NDUFA10: variants seen among roughly 807,000 people sequenced by gnomAD.
The protein encoded by NDUFA10 is NADH:ubiquinone oxidoreductase subunit A10, also known as NADH dehydrogenase [ubiquinone] 1 alpha subcomplex subunit 10, mitochondrial.
NDUFA10 carries 40 observed loss-of-function variants against 47.8 expected under a neutral mutation model. The observed-to-expected ratio is 0.84, with a 90% CI of 0.65 to 1.09. NDUFA10 has a LOEUF of 1.09. Ranked by LOEUF, NDUFA10 falls within the 50% of genes least tolerant of loss-of-function variation. The probability of loss-of-function intolerance (pLI) is 0.00; values close to 1 mark genes in which losing one functional copy is unlikely to be tolerated. For missense variants in NDUFA10, 413 were observed against 451.1 expected (o/e 0.92, Z 0.76); for synonymous variants, 183 against 172.2 (o/e 1.06, Z -0.49).
At chr2:239,985,469 A>T (rs1324496723) in intron 9 of NDUFA10, among the ~76,000 whole-genome samples, 1 of 151,804 alleles carries the variant, frequency 6.6e-6, no homozygotes, top group African/African-American at 2.4e-5. Context: ...AGGCTGATGC[A>T]CACTCAAAAA....
At chr2:239,969,752 T>A in intron 9 of NDUFA10, 1 of 471,434 alleles carries the variant, frequency 2.1e-6, no homozygotes, top group Non-Finnish European at 4.4e-6. Flanking sequence ...GGCTTCTGAT[T>A]CTTGGAAGAC....
chr2:239,916,986 G>C (rs946182826), intron 4 of NDUFA10, among the ~76,000 whole-genome samples: 2 of 152,218 alleles, frequency 1.3e-5, no homozygotes, highest in Non-Finnish European at 2.9e-5. Flanking sequence ...ATGAAACACT[G>C]TGGACATAAC....
intron 9 of NDUFA10, among the ~76,000 whole-genome samples, chr2:239,966,129 C>T (rs1695048966): frequency 2.0e-5 from 3 of 152,226 alleles, no homozygotes; most frequent in African/African-American, 4.8e-5. Flanking sequence ...CCTGGTGGCC[C>T]ACCGGGAGTG....
intron 4 of NDUFA10, among the ~76,000 whole-genome samples, chr2:239,944,373 C>T (rs1367295642): frequency 6.6e-6 from 1 of 152,200 alleles, no homozygotes; most frequent in Non-Finnish European, 1.5e-5. Flanking sequence ...GGGCCAGCGC[C>T]GCAGGCTGAG....
chr2:239,915,800 A>C (rs892988021), intron 4 of NDUFA10, among the ~76,000 whole-genome samples: 2 of 151,936 alleles, frequency 1.3e-5, no homozygotes, highest in Admixed American at 6.6e-5. Context: ...ATATAAATAC[A>C]GACAGAGAGA....
intron 4 of NDUFA10, among the ~76,000 whole-genome samples, chr2:239,932,825 C>T (rs1694199428): frequency 1.3e-5 from 2 of 152,210 alleles, no homozygotes; most frequent in East Asian, 1.9e-4. Context: ...TCGTGATCCA[C>T]CCGCCTCGGC....
At position 239,969,154 on chromosome 2, in the gene NDUFA10, G is replaced by A. The variant is rs182592975; in HGVS notation, c.1000-7968C>T. Among the ~76,000 whole-genome samples, 643 of 152,252 alleles carry A rather than the reference G, an allele frequency of 4.2e-3. 1 individual carries two copies. Among genetic ancestry groups the A allele is most frequent in the Non-Finnish European group, 7.0e-3 (477 of 68,026 alleles). ...AGGAAAATGTAACCCATAACAAGGGGAAAATATCAAGCCAACTCAGAACTG... is the reference window on the plus strand; with the variant it reads ...AGGAAAATGTAACCCATAACAAGGGAAAAATATCAAGCCAACTCAGAACTG... On this transcript the variant is annotated intron_variant, in intron 9 of 9. Transcript: ENST00000252711.
In NDUFA10 at chr2:239,945,880, T is replaced by G. The variant is rs984080610; in HGVS notation, c.294+44194A>C. On this transcript the variant is annotated intron_variant, in intron 4 of 5. Transcript: ENST00000419408. The surrounding 1 kb of genome is among the most constrained non-coding windows in gnomAD (Gnocchi z 4.6). ...GACTGCAAGCCAGAAGCACCCTGTG[T>G]GCAACCCAGGTGCCTGGAGCAGGAG... Among the ~76,000 whole-genome samples the G allele has an allele frequency of 1.3e-5, 2 of 152,116 alleles. No homozygotes were observed. The highest frequency in any genetic ancestry group is 2.4e-5 in the African/African-American group (1 of 41,428).
chr2:239,933,662 C>T (rs1283680764), intron 4 of NDUFA10, among the ~76,000 whole-genome samples: 10 of 151,772 alleles, frequency 6.6e-5, no homozygotes, highest in Admixed American at 5.2e-4. Flanking sequence ...CGGGGAGTGT[C>T]GTGTAAAACC....
rs917371150 is a variant in NDUFA10, at chr2:240,022,342, T to C, written c.76-2A>G. The C allele has an allele frequency of 1.2e-6, 2 of 1,614,088 alleles. No individual in the cohort carries two copies. Among genetic ancestry groups the C allele is most frequent in the Admixed American group, 1.7e-5 (1 of 60,026 alleles). On this transcript the variant is annotated splice_acceptor_variant, in intron 1 of 9. Coordinates refer to ENST00000252711, the MANE Select transcript of NDUFA10 (RefSeq NM_004544.4). LOFTEE classifies it high-confidence loss of function. ...CTGCACACTGCTATGAATTCCTCTC[T>C]GAAAAACACAAAATCACACAGCAGC...
Position 239,990,143 on chromosome 2 carries a change from A to C in NDUFA10, c.930T>G (p.Ile310Met), listed in dbSNP as rs1360894909. ...TGGTGACTTCCGGGAGAAAGATAGGAATGCTTGTGTAATTCAGCACCTCAA... is the reference window on the plus strand; with the variant it reads ...TGGTGACTTCCGGGAGAAAGATAGGCATGCTTGTGTAATTCAGCACCTCAA... ...DKFEVLNYTS[I>M]PIFLPEVTIG... Residue 310 changes from isoleucine (I) to methionine (M), a missense_variant, in exon 9 of 10, where the codon ATT becomes ATG. Ile to Met is a conservative substitution (Grantham distance 10). Transcript: ENST00000252711. The C allele has an allele frequency of 6.2e-7, 1 of 1,614,018 alleles. No homozygotes were observed. The highest frequency in any genetic ancestry group is 1.1e-5 in the South Asian group (1 of 91,076).
intron 9 of NDUFA10, among the ~76,000 whole-genome samples, chr2:239,978,851 G>A (rs1695644469): frequency 6.6e-6 from 1 of 152,094 alleles, no homozygotes; most frequent in Admixed American, 6.5e-5. Context: ...GGTGATTTGG[G>A]GAAGAATTCT....
At chr2:239,995,716 A>C (rs1696445532) in intron 8 of NDUFA10, among the ~76,000 whole-genome samples, 1 of 152,204 alleles carries the variant, frequency 6.6e-6, no homozygotes. Flanking sequence ...TCTACAAGAA[A>C]ACTAAAGACT....
chr2:239,971,304 TCTTC>T (rs1255972192), intron 9 of NDUFA10, among the ~76,000 whole-genome samples: 1 of 152,192 alleles, frequency 6.6e-6, no homozygotes. Flanking sequence ...TCCAAGTAGG[TCTTC>T]CTTGAGTGTG....
At chr2:239,915,068 TATAC>T (rs1443051491) in intron 4 of NDUFA10, among the ~76,000 whole-genome samples, 2 of 103,974 alleles carry the variant, frequency 1.9e-5, no homozygotes, top group African/African-American at 3.5e-5. Flanking sequence ...CACACACAAA[TATAC>T]AGACACACAC....
At chr2:239,920,351 C>G (rs1419966733) in intron 4 of NDUFA10, among the ~76,000 whole-genome samples, 1 of 152,180 alleles carries the variant, frequency 6.6e-6, no homozygotes, top group East Asian at 1.9e-4. Context: ...CAGACTGACA[C>G]GTGGATAAGG....
rs113009622 is a variant in NDUFA10, at chr2:239,974,649, A to G, written c.1000-13463T>C. The stretch of plus-strand genomic sequence containing the variant: ...GAGTAGGCTCTTACTCTGAGTTCAC[A>G]CAAGACCTGGTCATTTAAAAATATG... On this transcript the variant is annotated intron_variant, in intron 9 of 9. Coordinates refer to ENST00000252711, the MANE Select transcript of NDUFA10 (RefSeq NM_004544.4). Among the ~76,000 whole-genome samples the G allele has an allele frequency of 8.4e-3, 1,286 of 152,348 alleles. 18 individuals carry two copies. The highest frequency in any genetic ancestry group is 0.03 in the African/African-American group (1,227 of 41,566).
chr2:239,958,855 AT>A lies in NDUFA10; in HGVS notation c.*2262del. On this transcript the variant is annotated 3_prime_UTR_variant, in exon 10 of 10. Coordinates refer to ENST00000252711, the MANE Select transcript of NDUFA10 (RefSeq NM_004544.4). ...CACAAAACCATACTGCTGCAACAGCATGATTATTTCCTGATCTCCAAAGCAC... is the reference window on the plus strand; with the variant it reads ...CACAAAACCATACTGCTGCAACAGCAGATTATTTCCTGATCTCCAAAGCAC... The A allele has an allele frequency of 2.5e-6, 2 of 800,784 alleles. No individual in the cohort carries two copies. The highest frequency in any genetic ancestry group is 3.0e-6 in the Non-Finnish European group (2 of 661,542). The allele number at this position is 800,784 out of a possible 1,614,324, so 49.6% of individuals were successfully genotyped here.
At chr2:239,998,320 C>T (rs1177714442) in intron 8 of NDUFA10, among the ~76,000 whole-genome samples, 2 of 152,208 alleles carry the variant, frequency 1.3e-5, no homozygotes, top group Non-Finnish European at 2.9e-5. Flanking sequence ...TTCCCTTGCC[C>T]CTCTCTTACA....
Sources: gnomAD v4.1 joint callset for allele counts (sites outside exome capture counted in the v4.1 genomes callset) on GRCh38, gnomAD v4.1.1 for gene constraint, Gnocchi (gnomAD v3.1) non-coding constraint, MANE v1.5 for transcripts, NCBI Gene and HGNC (gene_info 2026-07-23, HGNC 2026-07-21) for gene names.